The following UTP20 variants were observed in gnomAD, a reference collection of about 807,000 sequenced individuals.
The protein encoded by UTP20 is small subunit processome component 20 homolog.
Under a neutral mutation model 329.5 loss-of-function variants are expected in UTP20, and 164 were observed. The ratio of observed to expected loss-of-function variants is 0.50; its 90% CI spans 0.44 to 0.57. UTP20 has a LOEUF of 0.57. UTP20 is among the 20% of genes least tolerant of loss of function. UTP20 has a pLI of 0.00. For synonymous variants in UTP20, 1,151 were observed against 1,159.3 expected (o/e 0.99, Z 0.14); for missense variants, 3,055 against 3,284.2 (o/e 0.93, Z 1.71).
rs764296748 is a variant in UTP20 at position 101,344,739 on chromosome 12, A to G, written c.4594A>G (p.Ser1532Gly). The G allele has an allele frequency of 2.5e-6, 4 of 1,613,566 alleles. No homozygotes were observed. Among genetic ancestry groups the G allele is most frequent in the Non-Finnish European group, 1.7e-6 (2 of 1,179,832 alleles). ...LLEKLRKGLKSQTESIQQDYT... is the reference protein window; with the variant it reads ...LLEKLRKGLKGQTESIQQDYT... Reference sequence around the variant, plus strand: ...GGAGAAATTGAGAAAAGGTCTGAAGAGCCAGACAGAGGTATATAACTTTGT... The same window carrying G: ...GGAGAAATTGAGAAAAGGTCTGAAGGGCCAGACAGAGGTATATAACTTTGT... Residue 1532 changes from serine (S) to glycine (G), a missense_variant, in exon 36 of 62, where the codon AGC (serine) becomes GGC (glycine). Physicochemically the swap from Ser to Gly is moderately conservative, Grantham distance 56 (BLOSUM62 0). Coordinates refer to ENST00000261637, the MANE Select transcript of UTP20 (RefSeq NM_014503.3).
At chr12:101,369,404 C>T (rs946480457) in intron 48 of UTP20, among the ~76,000 whole-genome samples, 1 of 151,966 alleles carries the variant, frequency 6.6e-6, no homozygotes, top group African/African-American at 2.4e-5. Context: ...ATTGCTTGAG[C>T]CCAGGAGTTC....
At chr12:101,340,931 T>C (rs555462004) in intron 32 of UTP20, among the ~76,000 whole-genome samples, 27 of 134,250 alleles carry the variant, frequency 2.0e-4, no homozygotes, top group Non-Finnish European at 3.2e-4. Context: ...AAGTGCATTG[T>C]GTAATCTTTT....
At chr12:101,310,780 C>A (rs1230076713) in intron 19 of UTP20, among the ~76,000 whole-genome samples, 1 of 152,008 alleles carries the variant, frequency 6.6e-6, no homozygotes, top group Non-Finnish European at 1.5e-5. Flanking sequence ...ATAGACAGAT[C>A]CCTTTACAAT....
chr12:101,317,287 C>T (rs1030690242), intron 21 of UTP20, among the ~76,000 whole-genome samples, 191 bp from the exon 22 acceptor site: 1 of 152,164 alleles, frequency 6.6e-6, no homozygotes, highest in Non-Finnish European at 1.5e-5. Context: ...TAGTGAATCG[C>T]TTGTCAAATA....
intron 32 of UTP20, 40 bp from the exon 33 acceptor site, chr12:101,342,406 A>T (rs769876009): frequency 6.5e-7 from 1 of 1,547,916 alleles, no homozygotes. Flanking sequence ...CCAGTTTATA[A>T]CTTACTGAAA....
In UTP20 at chr12:101,299,706, T is replaced by A. The variant is rs763687974; in HGVS notation, c.1455T>A (p.Thr485=). The change falls in exon 13 of 62, where the codon ACT becomes ACA. Residue 485 remains threonine, a synonymous_variant. Coordinates refer to ENST00000261637, the MANE Select transcript of UTP20 (RefSeq NM_014503.3). ...MVGFYIKQKK[T]RSKGRNEQFP... Reference sequence around the variant, plus strand: ...GATTCTATATAAAGCAGAAGAAGACTAGATCCAAGGGAAGAAACGAACAGT... The same window carrying A: ...GATTCTATATAAAGCAGAAGAAGACAAGATCCAAGGGAAGAAACGAACAGT... The A allele has an allele frequency of 1.1e-5, 17 of 1,597,234 alleles. No homozygotes were observed. The East Asian group carries it at 3.3e-4, about 31-fold the overall frequency.
intron 39 of UTP20, 53 bp downstream of exon 39, chr12:101,352,247 G>A (rs755399013): frequency 3.9e-5 from 61 of 1,554,168 alleles, no homozygotes; most frequent in Middle Eastern, 2.0e-4. Flanking sequence ...ATTTATGGCT[G>A]CATAGTATTC....
intron 6 of UTP20, 183 bp from the exon 7 acceptor site, chr12:101,289,954 T>C: frequency 2.6e-6 from 1 of 386,268 alleles, no homozygotes; most frequent in East Asian, 4.3e-5. Context: ...CACTCTTTTG[T>C]GTGACATTCC....
At chr12:101,290,425 T>A in intron 7 of UTP20, 151 bp downstream of exon 7, 2 of 957,014 alleles carry the variant, frequency 2.1e-6, no homozygotes, top group East Asian at 5.4e-5. Flanking sequence ...GCTTACCCAA[T>A]GTAGGCCTTG....
intron 19 of UTP20, among the ~76,000 whole-genome samples, chr12:101,310,577 CAAAAA>C (rs549641642): frequency 9.0e-5 from 4 of 44,366 alleles, no homozygotes; most frequent in Admixed American, 3.0e-4. Context: ...CTCTGTCTCC[CAAAAA>C]AAAAAAAAAA....
At chr12:101,286,683 A>T (rs1871970982) in intron 5 of UTP20, among the ~76,000 whole-genome samples, 174 bp downstream of exon 5, 1 of 151,018 alleles carries the variant, frequency 6.6e-6, no homozygotes, top group Admixed American at 6.6e-5. Context: ...TGCCATGACC[A>T]TCTCTCCTCT....
Position 101,289,090 on chromosome 12 carries a change from G to A in UTP20, c.597+49G>A, listed in dbSNP as rs534740716. 4 of 1,529,518 alleles carry A rather than the reference G, an allele frequency of 2.6e-6. No homozygotes were observed. The South Asian group carries it at 3.4e-5, about 13-fold the overall frequency. The allele number at this position is 1,529,518 out of a possible 1,614,324, so 94.7% of individuals were successfully genotyped here. ...TGTTGCTAATCATCAAGAATCTGAT[G>A]AATAGGCCAGGCGTGGTGGCTCATG... On this transcript the variant is annotated intron_variant, in intron 6 of 61. Transcript: ENST00000261637.
At chr12:101,327,689 A>T (rs1169203128) in intron 26 of UTP20, among the ~76,000 whole-genome samples, 1 of 152,216 alleles carries the variant, frequency 6.6e-6, no homozygotes, top group Non-Finnish European at 1.5e-5. Flanking sequence ...TTAAGTTAAA[A>T]ATAGAAAAGT....
intron 15 of UTP20, among the ~76,000 whole-genome samples, chr12:101,304,858 CT>C (rs149817543): frequency 0.013 from 1,905 of 152,306 alleles, 19 homozygotes; most frequent in Non-Finnish European, 0.02. Flanking sequence ...GAGCTAACTC[CT>C]GGCTAGTTCT....
At chr12:101,373,260 A>ATTAATTTCCT in intron 52 of UTP20, 141 bp from the exon 53 acceptor site, 1 of 789,168 alleles carries the variant, frequency 1.3e-6, no homozygotes, top group East Asian at 2.7e-5. Context: ...GGATACATAC[A>ATTAATTTCCT]AGCATTAAAA....
In UTP20 at chr12:101,383,579, A is replaced by G. The variant is rs747907268; in HGVS notation, c.7966A>G (p.Met2656Val). The G allele has an allele frequency of 5.6e-6, 9 of 1,613,636 alleles. No individual in the cohort carries two copies. The highest frequency in any genetic ancestry group is 1.7e-5 in the Admixed American group (1 of 59,852). ...CIFKFLGAVA[M>V]DLGIDKVKPY... ...CTTTAAGTTCCTCGGCGCCGTAGCA[A>G]TGGATCTTGGGATAGACAAGGTAAA... is the stretch of plus-strand genomic sequence containing the variant. The change falls in exon 60 of 62, where the codon ATG becomes GTG. Residue 2656 changes from methionine (M) to valine (V), a missense_variant. Physicochemically the swap from Met to Val is conservative, Grantham distance 21. Coordinates refer to ENST00000261637, the MANE Select transcript of UTP20 (RefSeq NM_014503.3).
At position 101,312,349 on chromosome 12, in the gene UTP20, A is replaced by C. The variant is rs546192503; in HGVS notation, c.2552+73A>C. ...AGAATGTGAGAAGTATTAACCTCCC[A>C]AAGTGGCTGAGTTCTTTGTTTTTTG... On this transcript the variant is annotated intron_variant, in intron 21 of 61. Coordinates refer to ENST00000261637, the MANE Select transcript of UTP20 (RefSeq NM_014503.3). The C allele has an allele frequency of 6.5e-6, 10 of 1,548,938 alleles. No homozygotes were observed. In the East Asian group the frequency reaches 1.8e-4, roughly 28 times the overall value.
intron 41 of UTP20, among the ~76,000 whole-genome samples, chr12:101,356,044 T>A (rs889537012): frequency 1.3e-5 from 2 of 152,250 alleles, no homozygotes; most frequent in African/African-American, 4.8e-5. Flanking sequence ...TTTTAAAGGG[T>A]TATCCTCAAA....
rs889796242 is a variant in UTP20 at position 101,291,091 on chromosome 12, G to A, written c.891+203G>A. Reference sequence around the variant, plus strand: ...ATGTTATCTTGAGATGCAGTAGAAGGCTCTGGAGCCAGACTGCCTGTTTGA... The same window carrying A: ...ATGTTATCTTGAGATGCAGTAGAAGACTCTGGAGCCAGACTGCCTGTTTGA... On this transcript the variant is annotated intron_variant, in intron 8 of 61. Transcript: ENST00000261637. 6 of 450,232 alleles carry A rather than the reference G, an allele frequency of 1.3e-5. No homozygotes were observed. In the Admixed American group the frequency reaches 2.5e-4, roughly 19 times the overall value. 27.9% of individuals were successfully genotyped at this position (450,232 alleles called of 1,614,324 possible).
Sources: gnomAD v4.1 joint callset for allele counts (sites outside exome capture counted in the v4.1 genomes callset) on GRCh38, gnomAD v4.1.1 for gene constraint, MANE v1.5 for transcripts, NCBI Gene and HGNC (gene_info 2026-07-23, HGNC 2026-07-21) for gene names.